Variants in MOB4 observed in about 807,000 individuals in gnomAD.
The protein encoded by MOB4 is MOB-like protein phocein.
MOB4 carries 4 observed loss-of-function variants against 32.2 expected under a neutral mutation model. The observed-to-expected ratio is 0.12, with a 90% CI of 0.06 to 0.28. MOB4 has a LOEUF of 0.28. Ranked by LOEUF, MOB4 falls within the 10% of genes least tolerant of loss-of-function variation. MOB4 has a pLI of 1.00. For synonymous variants in MOB4, 88 were observed against 88.1 expected, an observed-to-expected ratio of 1.00 and a Z score of 0.01; for missense variants, 158 against 271.2, an observed-to-expected ratio of 0.58 and a Z score of 2.93.
intron 1 of MOB4, 168 bp downstream of exon 1, chr2:197,516,314 C>T (rs1255663000): frequency 4.9e-6 from 7 of 1,426,792 alleles, no homozygotes; most frequent in Non-Finnish European, 5.5e-6. Flanking sequence ...TTGGCTGAGG[C>T]GGTGGCGGCC....
intron 5 of MOB4, among the ~76,000 whole-genome samples, chr2:197,547,146 G>T (rs1192666993): frequency 1.3e-5 from 2 of 152,064 alleles, no homozygotes; most frequent in African/African-American, 4.8e-5. Context: ...GTGGATCATT[G>T]TAAAGGTCTT....
chr2:197,538,222 T>G (rs1254851996), intron 3 of MOB4, among the ~76,000 whole-genome samples: 1 of 152,048 alleles, frequency 6.6e-6, no homozygotes, highest in Non-Finnish European at 1.5e-5. Context: ...TACATAAAAC[T>G]TTACATGAAA....
chr2:197,516,016 T>G, upstream of MOB4: 1 of 1,488,558 alleles, frequency 6.7e-7, no homozygotes, highest in Non-Finnish European at 9.1e-7. Flanking sequence ...AGCGCCGCTC[T>G]GCCCCGCCCC....
intron 5 of MOB4, among the ~76,000 whole-genome samples, chr2:197,541,735 C>T (rs1430843144): frequency 4.6e-5 from 7 of 151,900 alleles, no homozygotes; most frequent in East Asian, 3.9e-4. Flanking sequence ...CCGGCTAAAA[C>T]GGTGAAACCC....
intron 2 of MOB4, 39 bp from the exon 3 acceptor site, chr2:197,535,491 A>G: frequency 6.5e-7 from 1 of 1,546,164 alleles, no homozygotes; most frequent in Non-Finnish European, 8.7e-7. Flanking sequence ...TTACCAGGTG[A>G]TATAATTTAA....
chr2:197,537,269 A>G (rs1467824799), intron 3 of MOB4, among the ~76,000 whole-genome samples: 1 of 152,170 alleles, frequency 6.6e-6, no homozygotes, highest in African/African-American at 2.4e-5. Context: ...TTCTGAAGTT[A>G]CTAGGTGTTT....
At chr2:197,516,732 A>G (rs1231660647) in intron 1 of MOB4, 5 of 471,448 alleles carry the variant, frequency 1.1e-5, no homozygotes, top group South Asian at 7.7e-5. Context: ...GCAAGTTTTC[A>G]TCACTAAGTT....
At position 197,550,270 on chromosome 2, in the gene MOB4, T is replaced by G. The variant is rs1157101835; in HGVS notation, c.435-5T>G. The G allele has an allele frequency of 3.1e-6, 5 of 1,609,040 alleles. No individual in the cohort carries two copies. The highest frequency in any genetic ancestry group is 4.2e-6 in the Non-Finnish European group (5 of 1,178,436). On this transcript the variant is annotated splice_region_variant and splice_polypyrimidine_tract_variant and intron_variant, in intron 6 of 7. Transcript: ENST00000323303. ...AAGAATCTATGGTTTCTTTTCTACT[T>G]CTAGGGTTAGCATAAAGGAATCATC...
At chr2:197,518,626 G>A (rs1270364698) in intron 1 of MOB4, among the ~76,000 whole-genome samples, 13 of 151,310 alleles carry the variant, frequency 8.6e-5, no homozygotes, top group Non-Finnish European at 1.9e-4. Context: ...GCAGTGGCAC[G>A]ATCGCAGCTC....
intron 2 of MOB4, among the ~76,000 whole-genome samples, chr2:197,524,810 G>A (rs2086581722): frequency 6.6e-6 from 1 of 150,962 alleles, no homozygotes; most frequent in Non-Finnish European, 1.5e-5. Flanking sequence ...TCACCCTGTT[G>A]CCCAGGCTGG....
At chr2:197,516,355 G>A in intron 1 of MOB4, 5 of 1,424,942 alleles carry the variant, frequency 3.5e-6, no homozygotes, top group Non-Finnish European at 3.7e-6. Context: ...CCGACCCAGG[G>A]GTAGGCGTGA....
chr2:197,521,956 A>C (rs984213050), intron 1 of MOB4, among the ~76,000 whole-genome samples: 1 of 152,236 alleles, frequency 6.6e-6, no homozygotes, highest in African/African-American at 2.4e-5. Context: ...GATTAAAGAC[A>C]GGCCTAGGAA....
chr2:197,518,213 C>T (rs1257208793), intron 1 of MOB4, among the ~76,000 whole-genome samples: 1 of 152,002 alleles, frequency 6.6e-6, no homozygotes, highest in Non-Finnish European at 1.5e-5. Flanking sequence ...GTTGGTTAGA[C>T]TGGAATATAG....
At chr2:197,544,199 G>A (rs2086950172) in intron 5 of MOB4, among the ~76,000 whole-genome samples, 1 of 152,150 alleles carries the variant, frequency 6.6e-6, no homozygotes, top group South Asian at 2.1e-4. Context: ...AGCCTTCTGA[G>A]TAGCTGGGAC....
intron 2 of MOB4, 27 bp downstream of exon 2, chr2:197,523,713 T>C (rs2086560605): frequency 1.9e-6 from 3 of 1,591,026 alleles, no homozygotes; most frequent in Non-Finnish European, 2.6e-6. Context: ...CTTTTCACCC[T>C]GTGTCTTTTG....
intron 5 of MOB4, 75 bp from the exon 6 acceptor site, chr2:197,548,261 A>G (rs2087033014): frequency 3.1e-6 from 4 of 1,297,678 alleles, no homozygotes; most frequent in Admixed American, 2.2e-5. Context: ...GGAATAAGGT[A>G]TACCCATATA....
chr2:197,533,934 G>A, intron 2 of MOB4: 1 of 588,246 alleles, frequency 1.7e-6, no homozygotes, highest in Non-Finnish European at 3.3e-6. Context: ...ACTCTAAGAG[G>A]AGACATTGGA....
At chr2:197,537,217 A>G (rs1478496538) in intron 3 of MOB4, among the ~76,000 whole-genome samples, 1 of 152,224 alleles carries the variant, frequency 6.6e-6, no homozygotes, top group Non-Finnish European at 1.5e-5. Flanking sequence ...GAAAAAATTG[A>G]TAACTAGTGG....
At chr2:197,525,442 T>TA (rs1398684825) in intron 2 of MOB4, among the ~76,000 whole-genome samples, 1 of 151,860 alleles carries the variant, frequency 6.6e-6, no homozygotes. Context: ...ATTTGAGCAT[T>TA]AAAAACCACC....
Sources: gnomAD v4.1 joint callset for allele counts (sites outside exome capture counted in the v4.1 genomes callset) on GRCh38, gnomAD v4.1.1 for gene constraint, MANE v1.5 for transcripts, NCBI Gene and HGNC (gene_info 2026-07-23, HGNC 2026-07-21) for gene names.